The following ABCC3 variants were observed in gnomAD, a reference collection of about 807,000 sequenced individuals.
ABCC3 encodes ATP-binding cassette sub-family C member 3.
In ABCC3, 121 loss-of-function variants were observed where a neutral mutation model predicts 165.3. The ratio of observed to expected loss-of-function variants is 0.73; its 90% CI spans 0.63 to 0.85. The LOEUF (loss-of-function observed/expected upper bound fraction) is 0.85. Among genes scored for constraint, ABCC3 ranks in the 40% least tolerant of loss-of-function variants. The pLI, the probability that ABCC3 is intolerant of heterozygous loss-of-function variation, is 0.00. For synonymous variants in ABCC3, 733 were observed against 810.1 expected, an observed-to-expected ratio of 0.90 and a Z score of 1.62; for missense variants, 1,869 against 1,964.1, an observed-to-expected ratio of 0.95 and a Z score of 0.92.
intron 28 of ABCC3, among the ~76,000 whole-genome samples, 192 bp downstream of exon 28, chr17:50,684,299 G>A (rs1967982714): frequency 1.3e-5 from 2 of 152,124 alleles, no homozygotes; most frequent in East Asian, 3.9e-4. Context: ...GACTTACCCT[G>A]CCCAGTCAGG....
chr17:50,651,640 G>C (rs575693494), intron 1 of ABCC3, among the ~76,000 whole-genome samples: 162 of 152,310 alleles, frequency 1.1e-3, no homozygotes, highest in African/African-American at 3.7e-3. Flanking sequence ...CGGGAGGATT[G>C]CTTGAGCCCA....
chr17:50,675,695 G>A lies in ABCC3; in HGVS notation c.2779G>A (p.Gly927Ser), dbSNP rs1486774452. ...TCGGCCTGTACCCCGGAGGCACCTG[G>A]GTCCATCAGAGAAGGTGCAGGTGAC... ...QGRPVPRRHL[G>S]PSEKVQVTEA... The change falls in exon 21 of 31, where the codon GGT (glycine) becomes AGT (serine). Residue 927 changes from glycine to serine, a missense_variant. Gly to Ser is a moderately conservative substitution (Grantham distance 56). Coordinates refer to ENST00000285238, the MANE Select transcript of ABCC3 (RefSeq NM_003786.4). 18 of 1,570,932 alleles carry A rather than the reference G, an allele frequency of 1.1e-5. No homozygotes were observed. Among genetic ancestry groups the A allele is most frequent in the Non-Finnish European group, 1.6e-5 (18 of 1,158,056 alleles).
At chr17:50,683,815 C>T in intron 27 of ABCC3, 59 bp downstream of exon 27, 1 of 1,569,224 alleles carries the variant, frequency 6.4e-7, no homozygotes, top group Non-Finnish European at 8.6e-7. Context: ...TGGCCACAGC[C>T]CTTGTGGGGA....
intron 29 of ABCC3, among the ~76,000 whole-genome samples, chr17:50,685,792 T>C (rs571290574): frequency 3.5e-4 from 54 of 152,136 alleles, no homozygotes; most frequent in African/African-American, 1.3e-3. Context: ...TCCTGTAAAA[T>C]GTCAGCTTTT....
rs772064905 is a variant in ABCC3 at position 50,660,970 on chromosome 17, A to G, written c.854A>G (p.Glu285Gly). 5.6e-6 allele frequency: 9 copies of G among 1,613,444 alleles called. No homozygotes were observed. In the Admixed American group the frequency reaches 1.5e-4, roughly 27 times the overall value. The change falls in exon 8 of 31, where the codon GAG (glutamate) becomes GGG (glycine). Residue 285 changes from glutamate to glycine, a missense_variant. Coordinates refer to ENST00000285238, the MANE Select transcript of ABCC3 (RefSeq NM_003786.4). ...APGKNASGED[E>G]VLLGARPRPR... ...GGGAAAAATGCCTCCGGCGAGGACG[A>G]GGTGCTGCTGGGTGCCCGGCCCAGG...
At chr17:50,679,626 C>T (rs977067655) in intron 25 of ABCC3, 172 bp from the exon 26 acceptor site, 8 of 590,154 alleles carry the variant, frequency 1.4e-5, no homozygotes, top group Non-Finnish European at 2.2e-5. Flanking sequence ...GGGAGTCATT[C>T]GTGATTACAG....
intron 1 of ABCC3, chr17:50,643,501 C>G (rs1376085111): frequency 2.2e-6 from 1 of 455,540 alleles, no homozygotes; most frequent in Non-Finnish European, 4.4e-6. Flanking sequence ...TGACTGCATG[C>G]TTCACAGAGC....
At chr17:50,650,698 C>T (rs1967098036) in intron 1 of ABCC3, among the ~76,000 whole-genome samples, 1 of 152,054 alleles carries the variant, frequency 6.6e-6, no homozygotes, top group African/African-American at 2.4e-5. Flanking sequence ...CTTTTTCTTA[C>T]CTTCCTTGTA....
At chr17:50,660,773 AT>A in intron 7 of ABCC3, 149 bp from the exon 8 acceptor site, 1 of 622,024 alleles carries the variant, frequency 1.6e-6, no homozygotes, top group South Asian at 2.2e-5. Flanking sequence ...CGCTTGTGCA[AT>A]TCTTATGCTG....
chr17:50,676,270 T>C lies in ABCC3; in HGVS notation c.3068-8T>C. On this transcript the variant is annotated splice_region_variant and splice_polypyrimidine_tract_variant and intron_variant, in intron 22 of 30. Coordinates refer to ENST00000285238, the MANE Select transcript of ABCC3 (RefSeq NM_003786.4). ...AGGTGAGCCAGCGCCCTCTGCCTTC[T>C]CCAACAGGGTTCTTGGTGATGCTGG... 1 of 1,609,002 alleles carries C rather than the reference T, an allele frequency of 6.2e-7. No homozygotes were observed. Among genetic ancestry groups the C allele is most frequent in the South Asian group, 1.1e-5 (1 of 90,252 alleles).
intron 17 of ABCC3, among the ~76,000 whole-genome samples, chr17:50,671,094 A>C (rs1478448186): frequency 2.0e-5 from 3 of 151,998 alleles, no homozygotes. Flanking sequence ...TCTCTACTAG[A>C]AATACAAACA....
At position 50,659,395 on chromosome 17, in the gene ABCC3, C is replaced by T. The variant is rs371368384; in HGVS notation, c.806+27C>T. On this transcript the variant is annotated intron_variant, in intron 7 of 30. Coordinates refer to ENST00000285238, the MANE Select transcript of ABCC3 (RefSeq NM_003786.4). ...TGAGGCCCTCCCCTTGCCCCAACAC[C>T]CAGCCCCTTCGCTTACCCCAGATCT... 43 of 1,591,782 alleles carry T rather than the reference C, an allele frequency of 2.7e-5. No individual in the cohort carries two copies. The African/African-American group carries it at 5.5e-4, about 20-fold the overall frequency.
chr17:50,690,348 G>A (rs957850811), intron 30 of ABCC3, among the ~76,000 whole-genome samples: 1 of 152,102 alleles, frequency 6.6e-6, no homozygotes, highest in Middle Eastern at 3.4e-3. Flanking sequence ...GGGAGGGGAG[G>A]GGGGGCGGTG....
chr17:50,672,005 AG>A (rs1363774633), intron 17 of ABCC3, among the ~76,000 whole-genome samples: 2 of 151,900 alleles, frequency 1.3e-5, no homozygotes, highest in African/African-American at 4.8e-5. Flanking sequence ...TACAGGCATG[AG>A]CCACCACGCG....
chr17:50,661,362 T>C (rs1277132818), intron 8 of ABCC3, among the ~76,000 whole-genome samples: 1 of 152,182 alleles, frequency 6.6e-6, no homozygotes, highest in Admixed American at 6.5e-5. Flanking sequence ...AAGCATTGGG[T>C]CTTTAAATCT....
At chr17:50,655,764 A>T (rs2146604381) in intron 1 of ABCC3, 68 bp from the exon 2 acceptor site, 1 of 1,470,778 alleles carries the variant, frequency 6.8e-7, no homozygotes, top group South Asian at 1.2e-5. Context: ...CAGCTAAGCC[A>T]TCTTCCTCAA....
chr17:50,654,180 G>C (rs1270394071), intron 1 of ABCC3, among the ~76,000 whole-genome samples: 1 of 152,140 alleles, frequency 6.6e-6, no homozygotes, highest in Non-Finnish European at 1.5e-5. Context: ...ATAATTATTT[G>C]AATTGGCAAT....
chr17:50,664,408 A>G (rs1372086319), intron 10 of ABCC3: 1 of 389,310 alleles, frequency 2.6e-6, no homozygotes. Context: ...GGGATATAGA[A>G]TTGACACAAG....
rs1967742405 is a variant in ABCC3 at position 50,674,024 on chromosome 17, CTCTCTCTCTCTCTTTCTTTCTTTCTT to C, written c.2599+370_2599+395del. ...TCTCTCTCTCTCTCTCTCTCTCTCT[CTCTCTCTCTCTCTTTCTTTCTTTCTT>C]TCTTTCTTTCTTTCTTTCTTTCTTT... On this transcript the variant is annotated intron_variant, in intron 19 of 30. Transcript: ENST00000285238. Among the ~76,000 whole-genome samples, 3 of 29,628 alleles carry C rather than the reference CTCTCTCTCTCTCTTTCTTTCTTTCTT, an allele frequency of 1.0e-4. 1 individual carries two copies. The highest frequency in any genetic ancestry group is 7.1e-4 in the African/African-American group (3 of 4,206). 19.4% of individuals were successfully genotyped at this position (29,628 alleles called of 152,430 possible). A position where few individuals can be genotyped will look rare whatever the true frequency, so the allele number is the denominator to read the frequency against.
Sources: gnomAD v4.1 joint callset for allele counts (sites outside exome capture counted in the v4.1 genomes callset) on GRCh38, gnomAD v4.1.1 for gene constraint, MANE v1.5 for transcripts, NCBI Gene and HGNC (gene_info 2026-07-23, HGNC 2026-07-21) for gene names.